FHIT: variants seen among roughly 807,000 people sequenced by gnomAD.
FHIT encodes fragile histidine triad diadenosine triphosphatase, also known as bis(5'-adenosyl)-triphosphatase.
In FHIT, 19 loss-of-function variants were observed where a neutral mutation model predicts 17.9. The observed-to-expected ratio is 1.06, with a 90% confidence interval of 0.74 to 1.56. FHIT has a LOEUF of 1.56. Ranked by LOEUF, FHIT falls within the 40% of genes most tolerant of loss-of-function variation. The pLI is 0.00. For synonymous variants in FHIT, 81 were observed against 69.7 expected, an observed-to-expected ratio of 1.16 and a Z score of -0.81; for missense variants, 248 against 189.2, an observed-to-expected ratio of 1.31 and a Z score of -1.82.
intron 5 of FHIT, among the ~76,000 whole-genome samples, chr3:60,071,701 G>A (rs1187928019): frequency 6.6e-6 from 1 of 152,152 alleles, no homozygotes; most frequent in African/African-American, 2.4e-5. Flanking sequence ...GCTCCCCGAA[G>A]CTGACTTTCC....
At chr3:61,227,675 T>C (rs1037942080) in intron 1 of FHIT, among the ~76,000 whole-genome samples, 1 of 152,194 alleles carries the variant, frequency 6.6e-6, no homozygotes, top group African/African-American at 2.4e-5. Context: ...AAAATTCTGA[T>C]TTGTTCTTGC....
At chr3:60,358,439 A>T (rs956040239) in intron 5 of FHIT, among the ~76,000 whole-genome samples, 5 of 150,502 alleles carry the variant, frequency 3.3e-5, no homozygotes, top group Non-Finnish European at 1.5e-5. Flanking sequence ...AAGAAAACAA[A>T]ACCACTCTAT....
chr3:60,544,448 G>A (rs539962698), intron 4 of FHIT, among the ~76,000 whole-genome samples: 43 of 151,984 alleles, frequency 2.8e-4, no homozygotes, highest in Non-Finnish European at 5.3e-4. Flanking sequence ...AACTACATTA[G>A]CAAATTTAAA....
intron 3 of FHIT, among the ~76,000 whole-genome samples, chr3:60,861,472 C>G (rs1047641426): frequency 2.0e-5 from 3 of 151,224 alleles, no homozygotes; most frequent in Non-Finnish European, 2.9e-5. Context: ...CAGTAGTAAC[C>G]TCTCCAGTAG....
intron 5 of FHIT, among the ~76,000 whole-genome samples, chr3:60,132,225 TA>T: frequency 6.6e-6 from 1 of 152,314 alleles, no homozygotes; most frequent in South Asian, 2.1e-4. Flanking sequence ...ATCATTGTGT[TA>T]TCCATCTCCA....
intron 7 of FHIT, among the ~76,000 whole-genome samples, chr3:59,977,971 G>A (rs901230580): frequency 6.6e-6 from 1 of 152,134 alleles, no homozygotes; most frequent in African/African-American, 2.4e-5. Context: ...TGTTTGTGAA[G>A]ACTCTCATCA....
At chr3:60,217,396 G>A (rs113168441) in intron 5 of FHIT, among the ~76,000 whole-genome samples, 1 of 152,288 alleles carries the variant, frequency 6.6e-6, no homozygotes, top group Non-Finnish European at 1.5e-5. Flanking sequence ...ACTTTGTGCT[G>A]CTTCCTAAAT....
intron 4 of FHIT, among the ~76,000 whole-genome samples, chr3:60,545,626 T>C (rs193110744): frequency 3.8e-4 from 58 of 152,350 alleles, no homozygotes; most frequent in African/African-American, 7.2e-4. Context: ...TTTCATAGTA[T>C]GTCTTTTCAT....
At chr3:61,144,754 C>G (rs916096129) in intron 2 of FHIT, among the ~76,000 whole-genome samples, 2 of 152,158 alleles carry the variant, frequency 1.3e-5, no homozygotes, top group Non-Finnish European at 2.9e-5. Flanking sequence ...GAAGTGGTAT[C>G]TCACTGTGGT....
chr3:60,786,786 G>T (rs1318427032), intron 4 of FHIT, among the ~76,000 whole-genome samples: 1 of 152,110 alleles, frequency 6.6e-6, no homozygotes, highest in Non-Finnish European at 1.5e-5. Flanking sequence ...AGGGATCTGA[G>T]AAATACTTGT....
At chr3:60,022,229 T>C (rs558205011) in intron 5 of FHIT, among the ~76,000 whole-genome samples, 25 of 152,162 alleles carry the variant, frequency 1.6e-4, no homozygotes, top group African/African-American at 5.8e-4. Context: ...ATTAATCACA[T>C]GGGCAAAGAA....
At chr3:60,931,213 G>T (rs1553771677) in intron 3 of FHIT, among the ~76,000 whole-genome samples, 1 of 151,574 alleles carries the variant, frequency 6.6e-6, no homozygotes, top group East Asian at 1.9e-4. Flanking sequence ...GGGGCCTGTT[G>T]TGGGGTGGGG....
chr3:60,400,922 TAAA>T (rs963876136), intron 5 of FHIT, among the ~76,000 whole-genome samples: 2 of 148,278 alleles, frequency 1.3e-5, no homozygotes, highest in South Asian at 4.3e-4. Flanking sequence ...ATTCTTTGGT[TAAA>T]AAAAAAAATT....
Position 60,476,848 on chromosome 3 carries a change from A to AT in FHIT, c.103+60011dup, listed in dbSNP as rs4021917. 8.0e-3 allele frequency among the ~76,000 whole-genome samples: 1,170 copies of AT among 147,086 alleles called. 6 individuals carry two copies. The highest frequency in any genetic ancestry group is 0.012 in the East Asian group (60 of 5,022). ...TCTCGTCCTGGACACCCGGGGAAGG[A>AT]TTTTTTTTTTTTTTAAGAAGCCTTT... is the stretch of plus-strand genomic sequence containing the variant. On this transcript the variant is annotated intron_variant, in intron 5 of 9. Transcript: ENST00000492590.
At chr3:59,998,350 T>C (rs1699598519) in intron 7 of FHIT, among the ~76,000 whole-genome samples, 1 of 152,082 alleles carries the variant, frequency 6.6e-6, no homozygotes, top group East Asian at 1.9e-4. Flanking sequence ...TCACAAAATA[T>C]GCCCAGGAAT....
At chr3:60,239,976 AT>A (rs1705044347) in intron 5 of FHIT, among the ~76,000 whole-genome samples, 1 of 152,212 alleles carries the variant, frequency 6.6e-6, no homozygotes, top group African/African-American at 2.4e-5. Flanking sequence ...GAAAATAGGA[AT>A]ATTAGCAAAT....
At chr3:60,328,292 T>C (rs985624947) in intron 5 of FHIT, among the ~76,000 whole-genome samples, 2 of 152,144 alleles carry the variant, frequency 1.3e-5, no homozygotes, top group African/African-American at 2.4e-5. Context: ...AACAAAATCA[T>C]TGTATTAGTT....
chr3:60,217,700 C>T (rs1366548897), intron 5 of FHIT, among the ~76,000 whole-genome samples: 2 of 152,128 alleles, frequency 1.3e-5, no homozygotes, highest in African/African-American at 2.4e-5. Context: ...ATATTCAAAC[C>T]ACACTGGCCT....
intron 4 of FHIT, among the ~76,000 whole-genome samples, chr3:60,791,763 G>A (rs1457319250): frequency 6.6e-6 from 1 of 152,178 alleles, no homozygotes; most frequent in African/African-American, 2.4e-5. Flanking sequence ...GTGAGGGCCA[G>A]TATGAATGAG....
Sources: allele counts gnomAD v4.1 joint callset (sites outside exome capture counted in the v4.1 genomes callset), GRCh38; gene constraint gnomAD v4.1.1; transcripts MANE v1.5; gene names NCBI Gene and HGNC (gene_info 2026-07-23, HGNC 2026-07-21).